Variants in KCNIP2 observed in about 807,000 individuals in gnomAD.
KCNIP2 encodes potassium voltage-gated channel interacting protein 2, also known as A-type potassium channel modulatory protein KCNIP2.
KCNIP2 carries 19 observed loss-of-function variants against 39.0 expected under a neutral mutation model. The observed-to-expected ratio is 0.49, with a 90% confidence interval of 0.34 to 0.71. The LOEUF (loss-of-function observed/expected upper bound fraction) is 0.71, where lower values mean the gene tolerates loss of function less well. KCNIP2 is among the 30% of genes least tolerant of loss of function. The pLI is 0.01. For synonymous variants in KCNIP2, 111 were observed against 131.2 expected (o/e 0.85, Z 1.05); for missense variants, 261 against 346.0 (o/e 0.75, Z 1.95).
At position 101,838,691 on chromosome 10, in the gene KCNIP2, C is replaced by T. The variant is rs2066233146; in HGVS notation, c.73+4805G>A. ...AGGTTGTATGCTCCCCAGAAGATTT[C>T]CAGGTATGGTTCTGGCTCAGGACCA... On this transcript the variant is annotated intron_variant, in intron 1 of 9. Transcript: ENST00000356640. The surrounding 1 kb of genome is among the most constrained non-coding windows in gnomAD (Gnocchi z 4.0). Among the ~76,000 whole-genome samples, 1 of 152,186 alleles carries T rather than the reference C, an allele frequency of 6.6e-6. No individual in the cohort carries two copies.
At chr10:101,836,907 G>A (rs997512549) in intron 1 of KCNIP2, among the ~76,000 whole-genome samples, 1 of 151,880 alleles carries the variant, frequency 6.6e-6, no homozygotes, top group South Asian at 2.1e-4. Context: ...GTTGCAGTGA[G>A]CCGAGATCAC....
intron 2 of KCNIP2, among the ~76,000 whole-genome samples, chr10:101,830,697 ACAC>A (rs1217639682): frequency 1.5e-4 from 23 of 150,954 alleles, no homozygotes; most frequent in Admixed American, 1.4e-3. Context: ...ACACACACAC[ACAC>A]ACACACACAC....
At chr10:101,830,341 C>T (rs2065923948) in intron 2 of KCNIP2, 2 of 1,191,750 alleles carry the variant, frequency 1.7e-6, no homozygotes, top group East Asian at 6.2e-5. Context: ...CTGTCACCAT[C>T]CTGTCGGGGC....
Position 101,843,539 on chromosome 10 carries a change from C to G in KCNIP2, c.30G>C (p.Leu10Phe). Reference protein sequence around the residue: MRGQGRKESLSDSRDLDGSY... With the variant: MRGQGRKESFSDSRDLDGSY... ...AGCCGTCCAGGTCTCGGGAATCGGA[C>G]AAACTCTCCTTGCGGCCCTGGCCCC... The change falls in exon 1 of 10, where the codon TTG becomes TTC. Residue 10 changes from leucine to phenylalanine, a missense_variant. Coordinates refer to ENST00000356640, the MANE Select transcript of KCNIP2 (RefSeq NM_173191.3). This position sits in a 1 kb window ranked among gnomAD's most constrained non-coding sequence, Gnocchi z 6.7. The G allele has an allele frequency of 1.9e-6, 3 of 1,578,948 alleles. No homozygotes were observed. Among genetic ancestry groups the G allele is most frequent in the Non-Finnish European group, 1.7e-6 (2 of 1,164,202 alleles).
At chr10:101,837,497 C>T (rs755290116) in intron 1 of KCNIP2, among the ~76,000 whole-genome samples, 4 of 152,054 alleles carry the variant, frequency 2.6e-5, no homozygotes, top group South Asian at 4.1e-4. Context: ...GGTGAAACCC[C>T]GTCTCTACTA....
In KCNIP2 at chr10:101,843,072, G is replaced by A. The variant is rs920110758; in HGVS notation, c.73+424C>T. 6.6e-6 allele frequency among the ~76,000 whole-genome samples: 1 copy of A among 152,140 alleles called. No individual in the cohort carries two copies. The highest frequency in any genetic ancestry group is 1.5e-5 in the Non-Finnish European group (1 of 68,028). The stretch of plus-strand genomic sequence containing the variant: ...TTCATCAGTACAACCAGGGTCCTAC[G>A]CAAACTCAAACATCTGACGAGACCA... On this transcript the variant is annotated intron_variant, in intron 1 of 9. Transcript: ENST00000356640. This position sits in a 1 kb window ranked among gnomAD's most constrained non-coding sequence, Gnocchi z 6.7.
chr10:101,827,131 G>C lies in KCNIP2; in HGVS notation c.*222C>G, dbSNP rs1182628642. On this transcript the variant is annotated 3_prime_UTR_variant, in exon 10 of 10. Transcript: ENST00000356640. Reference sequence around the variant, plus strand: ...TGGGTGTCAGGCAGGAAGGGGGTGAGAGCTGGTGGGAGTTGGGAACACCCC... The same window carrying C: ...TGGGTGTCAGGCAGGAAGGGGGTGACAGCTGGTGGGAGTTGGGAACACCCC... 1.8e-6 allele frequency: 2 copies of C among 1,122,016 alleles called. No homozygotes were observed. Among genetic ancestry groups the C allele is most frequent in the African/African-American group, 3.2e-5 (2 of 63,424 alleles). The allele number at this position is 1,122,016 out of a possible 1,614,324, so 69.5% of individuals were successfully genotyped here.
chr10:101,830,279 G>A (rs1457458221), intron 2 of KCNIP2: 11 of 727,662 alleles, frequency 1.5e-5, no homozygotes, highest in Non-Finnish European at 2.2e-5. Context: ...GGCTGGCACA[G>A]AAAACCCAAA....
At chr10:101,839,697 C>G in intron 1 of KCNIP2, 1 of 1,531,908 alleles carries the variant, frequency 6.5e-7, no homozygotes, top group South Asian at 1.1e-5. Context: ...GAGCTCCTAA[C>G]CCACTTCGCT....
In KCNIP2 at chr10:101,828,402, G is replaced by A. The variant is rs1365674686; in HGVS notation, c.476C>T (p.Ser159Leu). 3.7e-6 allele frequency: 6 copies of A among 1,614,086 alleles called. No individual in the cohort carries two copies. The highest frequency in any genetic ancestry group is 1.3e-5 in the African/African-American group (1 of 75,036). The change falls in exon 6 of 10, where the codon TCG becomes TTG. Residue 159 changes from serine (S) to leucine (L), a missense_variant. Ser to Leu is a moderately radical substitution (Grantham distance 145). Transcript: ENST00000356640. This position sits in a 1 kb window ranked among gnomAD's most constrained non-coding sequence, Gnocchi z 6.6. Reference sequence around the variant, plus strand: ...CGCCCAGCTCACCTCAAAACTGACCGAGCCATCATGGTTGGTGTCAAAGGC... The same window carrying A: ...CGCCCAGCTCACCTCAAAACTGACCAAGCCATCATGGTTGGTGTCAAAGGC... ...FNAFDTNHDG[S>L]VSFEDFVAGL...
intron 1 of KCNIP2, among the ~76,000 whole-genome samples, chr10:101,835,281 A>C (rs990353554): frequency 3.3e-5 from 5 of 152,260 alleles, no homozygotes; most frequent in South Asian, 2.1e-4. Context: ...GACTGTGAGG[A>C]GGGAAGCACT....
intron 1 of KCNIP2, chr10:101,839,827 G>C: frequency 6.2e-7 from 1 of 1,609,802 alleles, no homozygotes; most frequent in Non-Finnish European, 8.5e-7. Context: ...GCACCTGCGG[G>C]GGCATCGGTT....
At position 101,828,447 on chromosome 10, in the gene KCNIP2, T is replaced by C; in HGVS notation, c.431A>G (p.Tyr144Cys). 1.2e-6 allele frequency: 2 copies of C among 1,614,118 alleles called. No individual in the cohort carries two copies. Among genetic ancestry groups the C allele is most frequent in the African/African-American group, 2.7e-5 (2 of 75,052 alleles). The change falls in exon 6 of 10, where the codon TAT (tyrosine) becomes TGT (cysteine). Residue 144 changes from tyrosine (Y) to cysteine (C), a missense_variant. By Grantham distance (194) the Tyr-to-Cys change is radical. Coordinates refer to ENST00000356640, the MANE Select transcript of KCNIP2 (RefSeq NM_173191.3). The surrounding 1 kb of genome is among the most constrained non-coding windows in gnomAD (Gnocchi z 6.6). Reference protein sequence around the residue: ...QFFPQGDSSTYATFLFNAFDT... With the variant: ...QFFPQGDSSTCATFLFNAFDT... ...AAAGGCATTGAAGAGAAAAGTGGCA[T>C]AGGTGCTGGAGTCTGCAGGGTGAGT...
chr10:101,829,413 G>A (rs1162344702), intron 3 of KCNIP2: 1 of 582,966 alleles, frequency 1.7e-6, no homozygotes, highest in East Asian at 3.3e-5. Context: ...GCCTGGCCTG[G>A]CCCCAGAGCC....
chr10:101,828,001 G>T lies in KCNIP2; in HGVS notation c.598-8C>A. 1 of 1,608,152 alleles carries T rather than the reference G, an allele frequency of 6.2e-7. No homozygotes were observed. Among genetic ancestry groups the T allele is most frequent in the Non-Finnish European group, 8.5e-7 (1 of 1,174,602 alleles). On this transcript the variant is annotated splice_region_variant and splice_polypyrimidine_tract_variant and intron_variant, in intron 7 of 9. Coordinates refer to ENST00000356640, the MANE Select transcript of KCNIP2 (RefSeq NM_173191.3). This position sits in a 1 kb window ranked among gnomAD's most constrained non-coding sequence, Gnocchi z 6.6. ...CATGATGTCAAGCATTTCCTGTTAGGCCAAGAGAGAAGAGGATCCTTCCTC... is the reference window on the plus strand; with the variant it reads ...CATGATGTCAAGCATTTCCTGTTAGTCCAAGAGAGAAGAGGATCCTTCCTC...
At chr10:101,834,219 G>A (rs1413908717) in intron 1 of KCNIP2, 2 of 399,110 alleles carry the variant, frequency 5.0e-6, no homozygotes, top group Non-Finnish European at 8.8e-6. Flanking sequence ...CTGTGGGGCA[G>A]CTGCCCCACC....
chr10:101,828,847 C>T lies in KCNIP2; in HGVS notation c.349-151G>A. On this transcript the variant is annotated intron_variant, in intron 4 of 9. Coordinates refer to ENST00000356640, the MANE Select transcript of KCNIP2 (RefSeq NM_173191.3). This position sits in a 1 kb window ranked among gnomAD's most constrained non-coding sequence, Gnocchi z 6.6. ...GTGGCTCATGTGATGGGAGGGAAGA[C>T]TTCTTTCCCAGTGCACAAATAAAAA... The T allele has an allele frequency of 6.4e-7, 1 of 1,563,454 alleles. No individual in the cohort carries two copies. Among genetic ancestry groups the T allele is most frequent in the South Asian group, 1.2e-5 (1 of 85,892 alleles).
In KCNIP2 at chr10:101,843,472, G is replaced by GC. The variant is rs1564677245; in HGVS notation, c.73+23dup. Reference sequence around the variant, plus strand: ...AGGAATGGAATCCACCCTCCCTCCCGCGACCCCCACGTCACTGACTCACCC... The same window carrying GC: ...AGGAATGGAATCCACCCTCCCTCCCGCCGACCCCCACGTCACTGACTCACCC... On this transcript the variant is annotated intron_variant, in intron 1 of 9. Transcript: ENST00000356640. This position sits in a 1 kb window ranked among gnomAD's most constrained non-coding sequence, Gnocchi z 6.7. The GC allele has an allele frequency of 1.3e-6, 2 of 1,494,112 alleles. No homozygotes were observed. Among genetic ancestry groups the GC allele is most frequent in the African/African-American group, 2.9e-5 (2 of 69,172 alleles). 92.6% of individuals were successfully genotyped at this position (1,494,112 alleles called of 1,614,324 possible). A position where few individuals can be genotyped will look rare whatever the true frequency, so the allele number is the denominator to read the frequency against.
At chr10:101,830,754 C>T (rs773987678) in intron 2 of KCNIP2, among the ~76,000 whole-genome samples, 1 of 135,508 alleles carries the variant, frequency 7.4e-6, no homozygotes, top group Non-Finnish European at 1.6e-5. Flanking sequence ...CGCAGGCGTG[C>T]GGCACGCCTC....
Sources: allele counts gnomAD v4.1 joint callset (sites outside exome capture counted in the v4.1 genomes callset), GRCh38; gene constraint gnomAD v4.1.1; non-coding constraint Gnocchi (gnomAD v3.1); transcripts MANE v1.5; gene names NCBI Gene and HGNC (gene_info 2026-07-23, HGNC 2026-07-21).